NDUFA12: variants seen among roughly 807,000 people sequenced by gnomAD.
The protein encoded by NDUFA12 is NADH dehydrogenase [ubiquinone] 1 alpha subcomplex subunit 12.
In NDUFA12, 17 loss-of-function variants were observed where a neutral mutation model predicts 20.3. The ratio of observed to expected loss-of-function variants is 0.84; its 90% CI spans 0.57 to 1.26. NDUFA12 has a LOEUF of 1.26. NDUFA12 is among the 50% of genes most tolerant of loss of function. The probability of loss-of-function intolerance (pLI) is 0.00; values close to 1 mark genes in which losing one functional copy is unlikely to be tolerated. For synonymous variants in NDUFA12, 72 were observed against 63.6 expected, an observed-to-expected ratio of 1.13 and a Z score of -0.63; for missense variants, 191 against 183.7, an observed-to-expected ratio of 1.04 and a Z score of -0.23.
At position 94,971,405 on chromosome 12, in the gene NDUFA12, C is replaced by T; in HGVS notation, c.*35G>A. On this transcript the variant is annotated 3_prime_UTR_variant, in exon 4 of 4. Transcript: ENST00000327772. ...AAAAGAGTAATTACATGAAAAGCTC[C>T]ATATTTTGCATGTTTCAACTGTTCT... 3.1e-6 allele frequency: 5 copies of T among 1,590,102 alleles called. No individual in the cohort carries two copies. Among genetic ancestry groups the T allele is most frequent in the Non-Finnish European group, 4.3e-6 (5 of 1,158,334 alleles).
At chr12:94,986,236 G>A (rs1874437076) in intron 3 of NDUFA12, among the ~76,000 whole-genome samples, 1 of 151,714 alleles carries the variant, frequency 6.6e-6, no homozygotes, top group Non-Finnish European at 1.5e-5. Context: ...ACAAGACCCT[G>A]TCTTCAAAAG....
intron 3 of NDUFA12, among the ~76,000 whole-genome samples, chr12:94,985,903 G>A (rs889481492): frequency 6.6e-6 from 1 of 151,844 alleles, no homozygotes; most frequent in Non-Finnish European, 1.5e-5. Context: ...TGGCCAATAT[G>A]GTGAAACCCC....
At chr12:94,987,594 A>G (rs1259653142) in intron 3 of NDUFA12, among the ~76,000 whole-genome samples, 1 of 152,088 alleles carries the variant, frequency 6.6e-6, no homozygotes, top group East Asian at 1.9e-4. Context: ...TGAGGCCAGG[A>G]GTTCAAGACC....
At chr12:94,983,066 A>T (rs1874295843) in intron 3 of NDUFA12, among the ~76,000 whole-genome samples, 1 of 152,242 alleles carries the variant, frequency 6.6e-6, no homozygotes, top group East Asian at 1.9e-4. Flanking sequence ...TACTTAACGT[A>T]GACTACCTCT....
intron 3 of NDUFA12, among the ~76,000 whole-genome samples, chr12:94,992,445 T>C (rs1335642153): frequency 6.6e-6 from 1 of 152,214 alleles, no homozygotes; most frequent in Non-Finnish European, 1.5e-5. Flanking sequence ...CAGGTGATAC[T>C]ATGGCATATT....
intron 3 of NDUFA12, among the ~76,000 whole-genome samples, chr12:94,988,339 C>T (rs183680202): frequency 9.9e-5 from 15 of 152,216 alleles, no homozygotes; most frequent in Admixed American, 9.2e-4. Flanking sequence ...GTTTGCAAGA[C>T]GTACACACTA....
intron 3 of NDUFA12, 40 bp from the exon 4 acceptor site, chr12:94,971,660 A>C (rs1349044991): frequency 1.9e-6 from 3 of 1,606,962 alleles, no homozygotes; most frequent in Non-Finnish European, 2.6e-6. Flanking sequence ...ATGAAGAGGC[A>C]GTACAGCATA....
chr12:94,976,337 T>C (rs1874063371), intron 3 of NDUFA12, among the ~76,000 whole-genome samples: 1 of 152,064 alleles, frequency 6.6e-6, no homozygotes, highest in African/African-American at 2.4e-5. Flanking sequence ...CAAAAGAATA[T>C]ATATGCATAG....
intron 2 of NDUFA12, among the ~76,000 whole-genome samples, chr12:94,998,567 T>C (rs752202129): frequency 2.6e-5 from 4 of 152,178 alleles, no homozygotes; most frequent in Non-Finnish European, 4.4e-5. Flanking sequence ...GATAGGATTA[T>C]ATATCTAGAA....
chr12:94,977,713 A>G (rs1404163760), intron 3 of NDUFA12, among the ~76,000 whole-genome samples: 1 of 152,226 alleles, frequency 6.6e-6, no homozygotes, highest in Non-Finnish European at 1.5e-5. Flanking sequence ...AGTAAAATGT[A>G]TATGTACATC....
intron 3 of NDUFA12, among the ~76,000 whole-genome samples, chr12:94,980,946 C>A (rs1262331290): frequency 6.6e-6 from 1 of 152,044 alleles, no homozygotes; most frequent in Non-Finnish European, 1.5e-5. Flanking sequence ...ATAGCCCAAA[C>A]TTTCTACTTT....
At chr12:94,980,687 G>A (rs536435805) in intron 3 of NDUFA12, among the ~76,000 whole-genome samples, 3 of 152,066 alleles carry the variant, frequency 2.0e-5, no homozygotes, top group Admixed American at 6.5e-5. Flanking sequence ...ATCAATGTAC[G>A]AGGAGAGACT....
chr12:94,996,567 C>T (rs550309403), intron 2 of NDUFA12, among the ~76,000 whole-genome samples: 24 of 152,104 alleles, frequency 1.6e-4, no homozygotes, highest in African/African-American at 5.3e-4. Context: ...CACCTGTAAT[C>T]CCAGCACTTT....
chr12:94,998,132 TATCATG>T (rs1874897494), intron 2 of NDUFA12, among the ~76,000 whole-genome samples: 1 of 152,116 alleles, frequency 6.6e-6, no homozygotes, highest in Non-Finnish European at 1.5e-5. Context: ...GATAATAATA[TATCATG>T]ATCAAGTGGG....
intron 2 of NDUFA12, among the ~76,000 whole-genome samples, chr12:94,995,330 T>C (rs1454309034): frequency 6.6e-6 from 1 of 152,142 alleles, no homozygotes; most frequent in Non-Finnish European, 1.5e-5. Context: ...TAAACTATAA[T>C]CCAGTGAGGC....
At chr12:94,980,305 A>C (rs1231348456) in intron 3 of NDUFA12, among the ~76,000 whole-genome samples, 1 of 152,154 alleles carries the variant, frequency 6.6e-6, no homozygotes, top group Non-Finnish European at 1.5e-5. Flanking sequence ...CCCTTCTACA[A>C]GTCTTCTCAT....
chr12:94,981,045 A>G (rs767147258), intron 3 of NDUFA12, among the ~76,000 whole-genome samples: 1 of 151,712 alleles, frequency 6.6e-6, no homozygotes, highest in Non-Finnish European at 1.5e-5. Context: ...GCAATTAGAT[A>G]ACTTCAGAAT....
intron 3 of NDUFA12, among the ~76,000 whole-genome samples, chr12:94,977,370 G>T (rs1874091376): frequency 6.6e-6 from 1 of 152,076 alleles, no homozygotes; most frequent in South Asian, 2.1e-4. Flanking sequence ...TACTCAGGAA[G>T]CTGAGGCAGA....
chr12:94,973,609 G>T (rs1263125705), intron 3 of NDUFA12, among the ~76,000 whole-genome samples: 1 of 152,184 alleles, frequency 6.6e-6, no homozygotes, highest in Non-Finnish European at 1.5e-5. Flanking sequence ...AGGTTAAAAT[G>T]ATATTTAAGG....
Sources: gnomAD v4.1 joint callset for allele counts (sites outside exome capture counted in the v4.1 genomes callset) on GRCh38, gnomAD v4.1.1 for gene constraint, MANE v1.5 for transcripts, NCBI Gene and HGNC (gene_info 2026-07-23, HGNC 2026-07-21) for gene names.